Variants in PLA2G4D observed in about 807,000 individuals in gnomAD.
PLA2G4D encodes the protein phospholipase A2 group IVD, also known as cytosolic phospholipase A2 delta.
Under a neutral mutation model 94.4 loss-of-function variants are expected in PLA2G4D, and 80 were observed. That is an observed-to-expected ratio of 0.85 (90% CI 0.71 to 1.02). The LOEUF (loss-of-function observed/expected upper bound fraction) is 1.02, where lower values mean the gene tolerates loss of function less well. Among genes scored for constraint, PLA2G4D ranks in the 50% least tolerant of loss-of-function variants. PLA2G4D has a pLI of 0.00. For synonymous variants in PLA2G4D, 438 were observed against 440.9 expected (o/e 0.99, Z 0.08); for missense variants, 1,050 against 1,034.7 (o/e 1.01, Z -0.20).
intron 1 of PLA2G4D, among the ~76,000 whole-genome samples, chr15:42,091,363 G>T (rs549158952): frequency 1.3e-5 from 2 of 152,252 alleles, no homozygotes; most frequent in South Asian, 4.1e-4. Flanking sequence ...GAAAAACCAG[G>T]CCATACAGAG....
At chr15:42,086,894 C>T (rs997267646) in intron 3 of PLA2G4D, among the ~76,000 whole-genome samples, 1 of 152,242 alleles carries the variant, frequency 6.6e-6, no homozygotes, top group Non-Finnish European at 1.5e-5. Flanking sequence ...AAATAATTCC[C>T]TCTTCCTCTC....
intron 18 of PLA2G4D, chr15:42,070,497 G>A (rs1889782347): frequency 1.7e-6 from 1 of 589,952 alleles, no homozygotes; most frequent in Non-Finnish European, 3.0e-6. Context: ...TAGGTGTGGG[G>A]AGGTCCCTCC....
intron 1 of PLA2G4D, among the ~76,000 whole-genome samples, chr15:42,092,115 G>T (rs551552614): frequency 6.6e-6 from 1 of 151,922 alleles, no homozygotes; most frequent in African/African-American, 2.4e-5. Flanking sequence ...CACCGCACAC[G>T]GGGAGAGACC....
chr15:42,072,184 C>T (rs924027117), intron 14 of PLA2G4D, 91 bp downstream of exon 14: 12 of 1,223,350 alleles, frequency 9.8e-6, no homozygotes, highest in Middle Eastern at 2.3e-4. Context: ...GCAATCTGTG[C>T]GGAGCTTCCA....
At chr15:42,081,910 T>G in intron 9 of PLA2G4D, 76 bp from the exon 10 acceptor site, 63 of 1,239,356 alleles carry the variant, frequency 5.1e-5, no homozygotes, top group Non-Finnish European at 6.2e-5. Flanking sequence ...GGGGACTTGG[T>G]CCCCTTCATC....
intron 7 of PLA2G4D, 127 bp downstream of exon 7, chr15:42,083,589 A>T: frequency 8.1e-7 from 1 of 1,233,028 alleles, no homozygotes; most frequent in Non-Finnish European, 1.2e-6. Context: ...CCTCTGTGCC[A>T]TGTGGGTGAG....
Position 42,081,114 on chromosome 15 carries a change from A to G in PLA2G4D, c.977T>C (p.Met326Thr). The G allele has an allele frequency of 5.0e-6, 8 of 1,614,058 alleles. No individual in the cohort carries two copies. The highest frequency in any genetic ancestry group is 6.8e-6 in the Non-Finnish European group (8 of 1,179,972). ...GGCCCGGGCACCTCCTCCTGTGGCC[A>G]TGATGCCCACAACGGGTACCTGGAC... ...QEDEVPVVGIMATGGGARAMT... is the reference protein window; with the variant it reads ...QEDEVPVVGITATGGGARAMT... The change falls in exon 12 of 20, where the codon ATG (methionine) becomes ACG (threonine). Residue 326 changes from methionine (M) to threonine (T), a missense_variant. By Grantham distance (81) the Met-to-Thr change is moderately conservative. Transcript: ENST00000290472.
Position 42,086,194 on chromosome 15 carries a change from T to TGGGGGGGGGGGGGGGGGGCC in PLA2G4D, c.387+18_387+19insGGCCCCCCCCCCCCCCCCCC. The TGGGGGGGGGGGGGGGGGGCC allele has an allele frequency of 2.9e-6, 4 of 1,370,440 alleles. No homozygotes were observed. The highest frequency in any genetic ancestry group is 3.8e-6 in the Non-Finnish European group (4 of 1,043,080). 84.9% of individuals were successfully genotyped at this position (1,370,440 alleles called of 1,614,324 possible). A position where few individuals can be genotyped will look rare whatever the true frequency, so the allele number is the denominator to read the frequency against. On this transcript the variant is annotated intron_variant, in intron 4 of 19. Coordinates refer to ENST00000290472, the MANE Select transcript of PLA2G4D (RefSeq NM_178034.4). ...GGAAGAAGTGGGGCCCACGGGGACT[T>TGGGGGGGGGGGGGGGGGGCC]CCCCACCCACCCACCCACCTGGGGA... is the stretch of plus-strand genomic sequence containing the variant.
chr15:42,078,134 C>T (rs894351410), intron 13 of PLA2G4D, among the ~76,000 whole-genome samples: 1 of 152,216 alleles, frequency 6.6e-6, no homozygotes, highest in Non-Finnish European at 1.5e-5. Context: ...GATGGGTGGC[C>T]CTGCTCTGCA....
intron 12 of PLA2G4D, 124 bp downstream of exon 12, chr15:42,080,873 G>GCCA: frequency 1.6e-6 from 2 of 1,288,746 alleles, no homozygotes; most frequent in Non-Finnish European, 2.1e-6. Context: ...AAGCTGCTTG[G>GCCA]CGCCCATCAG....
chr15:42,072,505 C>T, intron 13 of PLA2G4D, 113 bp from the exon 14 acceptor site: 1 of 799,756 alleles, frequency 1.3e-6, no homozygotes, highest in Non-Finnish European at 2.1e-6. Context: ...GAGGCAGCTC[C>T]TCCCGTGGGG....
intron 12 of PLA2G4D, among the ~76,000 whole-genome samples, chr15:42,080,511 C>T (rs1243570726): frequency 1.3e-5 from 2 of 152,128 alleles, no homozygotes; most frequent in Admixed American, 1.3e-4. Flanking sequence ...GAATCTACCT[C>T]GAGTGTGGTG....
rs1890181453 is a variant in PLA2G4D at position 42,087,832 on chromosome 15, C to T, written c.46-132G>A. 21 of 874,406 alleles carry T rather than the reference C, an allele frequency of 2.4e-5. 1 individual carries two copies. Among genetic ancestry groups the T allele is most frequent in the South Asian group, 2.2e-4 (13 of 59,906 alleles). 54.2% of individuals were successfully genotyped at this position (874,406 alleles called of 1,614,324 possible). A position where few individuals can be genotyped will look rare whatever the true frequency, so the allele number is the denominator to read the frequency against. On this transcript the variant is annotated intron_variant, in intron 1 of 19. Coordinates refer to ENST00000290472, the MANE Select transcript of PLA2G4D (RefSeq NM_178034.4). ...GTGCTGACACCCCTGCCAGGCGTTCCGGGGACACCCTCTGGGGACCAAAGA... is the reference window on the plus strand; with the variant it reads ...GTGCTGACACCCCTGCCAGGCGTTCTGGGGACACCCTCTGGGGACCAAAGA...
intron 13 of PLA2G4D, among the ~76,000 whole-genome samples, chr15:42,077,824 G>A (rs919627428): frequency 1.3e-5 from 2 of 152,228 alleles, no homozygotes; most frequent in African/African-American, 4.8e-5. Flanking sequence ...CTACCCTTCT[G>A]CAGCCCTGTT....
In PLA2G4D at chr15:42,081,619, G is replaced by A. The variant is rs765147993; in HGVS notation, c.822-5C>T. ...TGCACGGCCAGCTCCTCAGGGCTGT[G>A]GCAATGGAGGATCCAGGGGTCAGGG... On this transcript the variant is annotated splice_polypyrimidine_tract_variant and splice_region_variant and intron_variant, in intron 10 of 19. Coordinates refer to ENST00000290472, the MANE Select transcript of PLA2G4D (RefSeq NM_178034.4). 1.2e-6 allele frequency: 2 copies of A among 1,613,710 alleles called. No individual in the cohort carries two copies. Among genetic ancestry groups the A allele is most frequent in the African/African-American group, 2.7e-5 (2 of 74,934 alleles).
At chr15:42,078,228 G>A (rs1484201086) in intron 13 of PLA2G4D, among the ~76,000 whole-genome samples, 1 of 152,152 alleles carries the variant, frequency 6.6e-6, no homozygotes, top group African/African-American at 2.4e-5. Context: ...TCTTCCTGGG[G>A]GACACCAAGA....
chr15:42,071,890 T>C lies in PLA2G4D; in HGVS notation c.1457A>G (p.Tyr486Cys), dbSNP rs142872485. ...DFKEWVEFSP[Y>C]EVGFLKYGAF... ...CCCGTACTTCAGGAAACCGACCTCA[T>C]AGGGGGAGAACTCAACCCACTCTAA... The change falls in exon 15 of 20, where the codon TAT becomes TGT. Residue 486 changes from tyrosine to cysteine, a missense_variant. Coordinates refer to ENST00000290472, the MANE Select transcript of PLA2G4D (RefSeq NM_178034.4). 5.8e-5 allele frequency: 94 copies of C among 1,614,012 alleles called. No homozygotes were observed. In the South Asian group the frequency reaches 7.4e-4, roughly 13 times the overall value.
Position 42,084,138 on chromosome 15 carries a change from A to C in PLA2G4D, c.472-359T>G. The stretch of plus-strand genomic sequence containing the variant: ...ATTCTACCACAACTCCAAATAATCT[A>C]AGCAAGCCGCCCATCCATAGGAGGG... On this transcript the variant is annotated intron_variant, in intron 6 of 19. Coordinates refer to ENST00000290472, the MANE Select transcript of PLA2G4D (RefSeq NM_178034.4). This position sits in a 1 kb window ranked among gnomAD's most constrained non-coding sequence, Gnocchi z 4.8. The C allele has an allele frequency of 8.5e-6, 2 of 235,558 alleles. No individual in the cohort carries two copies. Among genetic ancestry groups the C allele is most frequent in the Non-Finnish European group, 1.7e-5 (2 of 118,410 alleles). The allele number at this position is 235,558 out of a possible 1,614,324, so 14.6% of individuals were successfully genotyped here. A position where few individuals can be genotyped will look rare whatever the true frequency, so the allele number is the denominator to read the frequency against.
At position 42,071,868 on chromosome 15, in the gene PLA2G4D, G is replaced by C. The variant is rs141287940; in HGVS notation, c.1479C>G (p.Tyr493Ter). ...AGAGCTCAGGAGGGACGAAGGCCCCGTACTTCAGGAAACCGACCTCATAGG... is the reference window on the plus strand; with the variant it reads ...AGAGCTCAGGAGGGACGAAGGCCCCCTACTTCAGGAAACCGACCTCATAGG... Reference protein sequence around the residue: ...FSPYEVGFLKYGAFVPPELFG... With the variant: ...FSPYEVGFLK Residue 493 changes from tyrosine to a stop codon, truncating the protein, a stop_gained, in exon 15 of 20, where the codon TAC becomes TAG. Coordinates refer to ENST00000290472, the MANE Select transcript of PLA2G4D (RefSeq NM_178034.4). LOFTEE classifies it high-confidence loss of function. The C allele has an allele frequency of 6.2e-7, 1 of 1,614,170 alleles. No individual in the cohort carries two copies. Among genetic ancestry groups the C allele is most frequent in the Non-Finnish European group, 8.5e-7 (1 of 1,180,008 alleles).
Sources: allele counts gnomAD v4.1 joint callset (sites outside exome capture counted in the v4.1 genomes callset), GRCh38; gene constraint gnomAD v4.1.1; non-coding constraint Gnocchi (gnomAD v3.1); transcripts MANE v1.5; gene names NCBI Gene and HGNC (gene_info 2026-07-23, HGNC 2026-07-21).